The following SOX6 variants were observed in gnomAD, a reference collection of about 807,000 sequenced individuals.
The protein encoded by SOX6 is SRY-box transcription factor 6.
A neutral mutation model predicts 97.8 loss-of-function variants in SOX6; 11 were observed. The observed-to-expected ratio is 0.11, with a 90% confidence interval of 0.07 to 0.19. The LOEUF is 0.19. Among genes scored for constraint, SOX6 ranks in the 10% least tolerant of loss-of-function variants. SOX6 has a pLI of 1.00. For synonymous variants in SOX6, 360 were observed against 371.4 expected (o/e 0.97, Z 0.35); for missense variants, 810 against 1,039.5 (o/e 0.78, Z 3.04).
intron 9 of SOX6, among the ~76,000 whole-genome samples, chr11:16,079,373 T>C (rs1314062986): frequency 1.3e-5 from 2 of 152,230 alleles, no homozygotes; most frequent in Non-Finnish European, 2.9e-5. Flanking sequence ...ATGCTATTTT[T>C]TCACTTAATT....
intron 1 of SOX6, among the ~76,000 whole-genome samples, chr11:16,383,078 A>G (rs1222199741): frequency 6.6e-6 from 1 of 151,988 alleles, no homozygotes; most frequent in African/African-American, 2.4e-5. Flanking sequence ...GAAATTTAGC[A>G]AAGAATGCAC....
intron 4 of SOX6, among the ~76,000 whole-genome samples, chr11:16,556,478 A>G (rs1362175779): frequency 2.0e-5 from 3 of 151,804 alleles, no homozygotes; most frequent in African/African-American, 7.2e-5. Context: ...TACAATTAAA[A>G]GATAACTGTG....
chr11:15,982,992 C>T (rs1032218696), intron 15 of SOX6, among the ~76,000 whole-genome samples: 5 of 151,832 alleles, frequency 3.3e-5, no homozygotes, highest in African/African-American at 4.8e-5. Context: ...TTCTGGACAC[C>T]ACACTCAGAA....
intron 1 of SOX6, among the ~76,000 whole-genome samples, chr11:16,433,001 C>A (rs1237429068): frequency 6.6e-6 from 1 of 151,992 alleles, no homozygotes; most frequent in Admixed American, 6.6e-5. Flanking sequence ...GTTTATAGGG[C>A]TACATGATTT....
rs1209806497 is a variant in SOX6 at position 16,605,335 on chromosome 11, C to G, written n.609+6746G>C. On this transcript the variant is annotated intron_variant and non_coding_transcript_variant, in intron 4 of 5. Coordinates refer to the SOX6 transcript ENST00000524520. This position sits in a 1 kb window ranked among gnomAD's most constrained non-coding sequence, Gnocchi z 5.3. ...GGCTGAACTACCCCTCGCCCCCGCT[C>G]CCGCCAGGTCAGGCACCACTGCCCT... 1.3e-5 allele frequency among the ~76,000 whole-genome samples: 2 copies of G among 152,166 alleles called. No individual in the cohort carries two copies. Among genetic ancestry groups the G allele is most frequent in the African/African-American group, 2.4e-5 (1 of 41,466 alleles).
At chr11:16,720,348 G>A (rs1489103841) in intron 2 of SOX6, among the ~76,000 whole-genome samples, 1 of 139,976 alleles carries the variant, frequency 7.1e-6, no homozygotes, top group African/African-American at 2.7e-5. Context: ...ATACACCATG[G>A]AATACTATGC....
At chr11:16,147,245 C>T (rs970777833) in intron 6 of SOX6, among the ~76,000 whole-genome samples, 44 of 152,200 alleles carry the variant, frequency 2.9e-4, no homozygotes, top group Admixed American at 3.9e-4. Flanking sequence ...AGCAAACTAT[C>T]GCAAGGACAA....
exon 3 of SOX6, chr11:16,714,883 A>G (rs1178879834): frequency 1.3e-5 from 2 of 152,198 alleles, no homozygotes; most frequent in Admixed American, 1.3e-4. Context: ...AAAAGTTGTC[A>G]TTTAGAATCC....
intron 4 of SOX6, among the ~76,000 whole-genome samples, chr11:16,491,864 A>G (rs1860514231): frequency 6.6e-6 from 1 of 152,202 alleles, no homozygotes; most frequent in Admixed American, 6.5e-5. Context: ...GGTCTAAATT[A>G]AAAAGGTAAA....
intron 9 of SOX6, among the ~76,000 whole-genome samples, chr11:16,083,946 A>G (rs1848526113): frequency 6.6e-6 from 1 of 152,126 alleles, no homozygotes; most frequent in Admixed American, 6.5e-5. Flanking sequence ...CTAGCTCTGA[A>G]AGTCTATGGA....
chr11:16,093,805 C>G (rs1281131148), intron 9 of SOX6, among the ~76,000 whole-genome samples: 2 of 151,802 alleles, frequency 1.3e-5, no homozygotes, highest in Non-Finnish European at 2.9e-5. Flanking sequence ...AACAATAAAC[C>G]AAGATATTAT....
intron 4 of SOX6, among the ~76,000 whole-genome samples, chr11:16,535,853 T>C (rs1861300896): frequency 6.6e-6 from 1 of 152,210 alleles, no homozygotes. Context: ...AATAGACAAG[T>C]CTACAACCAA....
chr11:16,636,519 T>C (rs1343669017), intron 3 of SOX6, among the ~76,000 whole-genome samples: 1 of 152,170 alleles, frequency 6.6e-6, no homozygotes, highest in Non-Finnish European at 1.5e-5. Flanking sequence ...ACTTGGACTT[T>C]TGAGTTAATG....
intron 3 of SOX6, among the ~76,000 whole-genome samples, chr11:16,632,603 C>A (rs1028175529): frequency 1.3e-5 from 2 of 152,148 alleles, no homozygotes; most frequent in African/African-American, 4.8e-5. Flanking sequence ...CAGGTCTCTG[C>A]CTAAAGGTCC....
intron 1 of SOX6, among the ~76,000 whole-genome samples, chr11:16,352,166 G>A (rs1219883438): frequency 6.6e-6 from 1 of 151,570 alleles, no homozygotes; most frequent in Non-Finnish European, 1.5e-5. Flanking sequence ...CATATTCCCT[G>A]GCAAAGAAAG....
At chr11:16,585,013 A>G (rs577387990) in intron 4 of SOX6, among the ~76,000 whole-genome samples, 82 of 152,326 alleles carry the variant, frequency 5.4e-4, no homozygotes, top group South Asian at 1.7e-3. Flanking sequence ...CAAATCAACT[A>G]GTCTCCACAA....
intron 1 of SOX6, among the ~76,000 whole-genome samples, chr11:16,412,429 A>G (rs1374013725): frequency 6.6e-6 from 1 of 152,168 alleles, no homozygotes; most frequent in Non-Finnish European, 1.5e-5. Flanking sequence ...TACAACACTC[A>G]GTTGGGTAAG....
At chr11:16,701,989 C>T (rs1027132042) in intron 3 of SOX6, among the ~76,000 whole-genome samples, 3 of 152,148 alleles carry the variant, frequency 2.0e-5, no homozygotes, top group Non-Finnish European at 2.9e-5. Flanking sequence ...GAAGAAGAAT[C>T]GGCACTCCTC....
intron 4 of SOX6, among the ~76,000 whole-genome samples, chr11:16,507,622 C>T (rs2133148705): frequency 6.6e-6 from 1 of 152,224 alleles, no homozygotes; most frequent in Non-Finnish European, 1.5e-5. Context: ...ATATTTACAG[C>T]CAACTGATTT....
Sources: gnomAD v4.1 joint callset for allele counts (sites outside exome capture counted in the v4.1 genomes callset) on GRCh38, gnomAD v4.1.1 for gene constraint, Gnocchi (gnomAD v3.1) non-coding constraint, MANE v1.5 for transcripts, NCBI Gene and HGNC (gene_info 2026-07-23, HGNC 2026-07-21) for gene names.